The following C2CD2L variants were observed in gnomAD, a reference collection of about 807,000 sequenced individuals.
The protein encoded by C2CD2L is phospholipid transfer protein C2CD2L.
A neutral mutation model predicts 69.9 loss-of-function variants in C2CD2L; 24 were observed. The observed-to-expected ratio is 0.34, with a 90% CI of 0.25 to 0.48. The LOEUF (loss-of-function observed/expected upper bound fraction) is 0.48, where lower values mean the gene tolerates loss of function less well. C2CD2L is among the 20% of genes least tolerant of loss of function. C2CD2L has a pLI of 0.99. For missense variants in C2CD2L, 811 were observed against 941.5 expected, an observed-to-expected ratio of 0.86 and a Z score of 1.81; for synonymous variants, 367 against 391.0, an observed-to-expected ratio of 0.94 and a Z score of 0.72.
chr11:119,107,788 T>C lies in C2CD2L; in HGVS notation c.47T>C (p.Leu16Pro). The part of the protein sequence containing the change: ...GQRDVGWAAL[L>P]ILFAASLLTV... ...CGGGACGTGGGCTGGGCGGCCTTGC[T>C]GATCCTCTTCGCCGCCTCGCTGCTC... Residue 16 changes from leucine to proline, a missense_variant, in exon 1 of 14, where the codon CTG (leucine) becomes CCG (proline). Coordinates refer to ENST00000648610, the MANE Select transcript of C2CD2L (RefSeq NM_001290474.2). The surrounding 1 kb of genome is among the most constrained non-coding windows in gnomAD (Gnocchi z 5.4). 1 of 1,548,328 alleles carries C rather than the reference T, an allele frequency of 6.5e-7. No homozygotes were observed. The highest frequency in any genetic ancestry group is 8.6e-7 in the Non-Finnish European group (1 of 1,159,918).
rs1470891429 is a variant in C2CD2L at position 119,110,532 on chromosome 11, C to T, written c.451-29C>T. The T allele has an allele frequency of 6.3e-7, 1 of 1,599,156 alleles. No homozygotes were observed. Among genetic ancestry groups the T allele is most frequent in the East Asian group, 2.2e-5 (1 of 44,486 alleles). ...TCAAAGCAGGGTGAGCACCCTTCCC[C>T]CACATCTGACCCACCTCGCCGGTCT... On this transcript the variant is annotated intron_variant, in intron 2 of 13. Coordinates refer to ENST00000648610, the MANE Select transcript of C2CD2L (RefSeq NM_001290474.2). The surrounding 1 kb of genome is among the most constrained non-coding windows in gnomAD (Gnocchi z 5.7).
At position 119,107,873 on chromosome 11, in the gene C2CD2L, G is replaced by A. The variant is rs774577840; in HGVS notation, c.132G>A (p.Gly44=). Residue 44 remains glycine (G), a synonymous_variant, in exon 1 of 14, where the codon GGG becomes GGA. Transcript: ENST00000648610. The surrounding 1 kb of genome is among the most constrained non-coding windows in gnomAD (Gnocchi z 5.4). ...GCTTGTGGCTGGCGCGGGCCCGCGG[G>A]GACCGGGGCCCGGGACCCGCCTTAG... ...ARGLWLARAR[G]DRGPGPALAG... is the part of the protein sequence containing the mutation. 5 of 1,519,300 alleles carry A rather than the reference G, an allele frequency of 3.3e-6. No homozygotes were observed. Among genetic ancestry groups the A allele is most frequent in the Middle Eastern group, 2.2e-4 (1 of 4,506 alleles). 94.1% of individuals were successfully genotyped at this position (1,519,300 alleles called of 1,614,324 possible). A position where few individuals can be genotyped will look rare whatever the true frequency, so the allele number is the denominator to read the frequency against.
intron 1 of C2CD2L, among the ~76,000 whole-genome samples, chr11:119,108,491 T>C (rs1166404748): frequency 1.3e-5 from 2 of 152,152 alleles, no homozygotes; most frequent in African/African-American, 2.4e-5. Context: ...ATGCCCCAAA[T>C]CCCTGGTGTG....
Position 119,117,507 on chromosome 11 carries a change from C to CA in C2CD2L, c.*1252dup, listed in dbSNP as rs1946924335. ...CAAGTTATGTAACCTCTAAGTGCCT[C>CA]AGTTTTCTCATCTGTAAAATGGGAA... On this transcript the variant is annotated 3_prime_UTR_variant, in exon 14 of 14. Transcript: ENST00000648610. 1 of 152,208 alleles carries CA rather than the reference C, an allele frequency of 6.6e-6. No individual in the cohort carries two copies. The highest frequency in any genetic ancestry group is 6.5e-5 in the Admixed American group (1 of 15,272). The allele number at this position is 152,208 out of a possible 1,614,324, so 9.4% of individuals were successfully genotyped here.
In C2CD2L at chr11:119,107,688, C is replaced by T; in HGVS notation, c.-54C>T. 50 of 1,216,986 alleles carry T rather than the reference C, an allele frequency of 4.1e-5. No homozygotes were observed. The highest frequency in any genetic ancestry group is 5.1e-5 in the Non-Finnish European group (47 of 930,504). 75.4% of individuals were successfully genotyped at this position (1,216,986 alleles called of 1,614,324 possible). A position where few individuals can be genotyped will look rare whatever the true frequency, so the allele number is the denominator to read the frequency against. ...CCGCGGCCCGCCCGGGCCATGCTCC[C>T]CCGGGGCAGCGGGTGAGCCCCAGCC... On this transcript the variant is annotated 5_prime_UTR_variant, in exon 1 of 14. Coordinates refer to ENST00000648610, the MANE Select transcript of C2CD2L (RefSeq NM_001290474.2). The surrounding 1 kb of genome is among the most constrained non-coding windows in gnomAD (Gnocchi z 5.4).
intron 7 of C2CD2L, 40 bp downstream of exon 7, chr11:119,111,669 G>A (rs906286295): frequency 1.4e-6 from 2 of 1,416,372 alleles, no homozygotes; most frequent in Non-Finnish European, 2.0e-6. Context: ...CTCCAGAGCA[G>A]AGAGGATCAA....
At chr11:119,102,321 G>A, upstream of C2CD2L, 1 of 471,630 alleles carries the variant, frequency 2.1e-6, no homozygotes, top group Non-Finnish European at 4.4e-6. Context: ...ACGAGGGTGT[G>A]GAGACGCGCC....
intron 10 of C2CD2L, chr11:119,113,313 G>T: frequency 2.4e-6 from 1 of 418,350 alleles, no homozygotes. Context: ...GCCATTATAG[G>T]GGCCCCACTG....
rs369155362 is a variant in C2CD2L at position 119,114,318 on chromosome 11, C to T, written c.1862C>T (p.Thr621Met). The T allele has an allele frequency of 2.2e-5, 35 of 1,614,030 alleles. No homozygotes were observed. Among genetic ancestry groups the T allele is most frequent in the African/African-American group, 4.0e-5 (3 of 74,924 alleles). The stretch of plus-strand genomic sequence containing the variant: ...TCTGTGGATGATATTGAGTCGGAAA[C>T]GGGGTCCACTGGTGCCCTGGAGACC... ...RPSVDDIESE[T>M]GSTGALETRS... The change falls in exon 13 of 14, where the codon ACG (threonine) becomes ATG (methionine). Residue 621 changes from threonine to methionine, a missense_variant. Transcript: ENST00000648610. The surrounding 1 kb of genome is among the most constrained non-coding windows in gnomAD (Gnocchi z 5.1).
At chr11:119,111,417 G>A (rs765902219) in intron 6 of C2CD2L, 43 bp downstream of exon 6, 1 of 1,596,946 alleles carries the variant, frequency 6.3e-7, no homozygotes, top group East Asian at 2.2e-5. Flanking sequence ...GGCTATGGTT[G>A]GTTGCAGATG....
chr11:119,107,884 C>G lies in C2CD2L; in HGVS notation c.143C>G (p.Pro48Arg), dbSNP rs1285088100. ...WLARARGDRG[P>R]GPALAGEPAG... ...GCGCGGGCCCGCGGGGACCGGGGCC[C>G]GGGACCCGCCTTAGCCGGGGAACCC... The change falls in exon 1 of 14, where the codon CCG (proline) becomes CGG (arginine). Residue 48 changes from proline to arginine, a missense_variant. Physicochemically the swap from Pro to Arg is moderately radical, Grantham distance 103 (BLOSUM62 -2). Coordinates refer to ENST00000648610, the MANE Select transcript of C2CD2L (RefSeq NM_001290474.2). This position sits in a 1 kb window ranked among gnomAD's most constrained non-coding sequence, Gnocchi z 5.4. 10 of 1,516,604 alleles carry G rather than the reference C, an allele frequency of 6.6e-6. No homozygotes were observed. The highest frequency in any genetic ancestry group is 2.3e-4 in the Middle Eastern group (1 of 4,432). The allele number at this position is 1,516,604 out of a possible 1,614,324, so 93.9% of individuals were successfully genotyped here.
intron 4 of C2CD2L, 34 bp from the exon 5 acceptor site, chr11:119,111,018 C>A (rs1477050070): frequency 6.2e-7 from 1 of 1,612,848 alleles, no homozygotes; most frequent in South Asian, 1.1e-5. Flanking sequence ...GGTGGGGGAT[C>A]CACCTCCTTG....
At chr11:119,102,827 T>C (rs907624825), upstream of C2CD2L, among the ~76,000 whole-genome samples, 5 of 150,434 alleles carry the variant, frequency 3.3e-5, no homozygotes, top group African/African-American at 4.9e-5. Context: ...GCATTTTGCT[T>C]GGCCTGTTCC....
Position 119,109,131 on chromosome 11 carries a change from G to C in C2CD2L, c.355-973G>C, listed in dbSNP as rs1250811722. Among the ~76,000 whole-genome samples the C allele has an allele frequency of 6.6e-6, 1 of 152,180 alleles. No homozygotes were observed. The highest frequency in any genetic ancestry group is 1.5e-5 in the Non-Finnish European group (1 of 68,022). On this transcript the variant is annotated intron_variant, in intron 1 of 13. Transcript: ENST00000648610. The surrounding 1 kb of genome is among the most constrained non-coding windows in gnomAD (Gnocchi z 5.1). ...ACTGGACATTGGCCTCCCTTGCAGA[G>C]GGTGGGGAGATTGAGGTTTCAAGCA... is the stretch of plus-strand genomic sequence containing the variant.
At chr11:119,113,762 C>T (rs753015743) in intron 11 of C2CD2L, 50 bp downstream of exon 11, 3 of 1,611,566 alleles carry the variant, frequency 1.9e-6, no homozygotes, top group East Asian at 2.2e-5. Context: ...GGTGCCCCAG[C>T]ATCAAAAAGT....
In C2CD2L at chr11:119,116,224, A is replaced by G; in HGVS notation, c.2089A>G (p.Lys697Glu). Reference sequence around the variant, plus strand: ...GCGCTTTTCCTTCAAATCCAAACCCAAGGCCAATGGTAACCCCAGCCCCCA... The same window carrying G: ...GCGCTTTTCCTTCAAATCCAAACCCGAGGCCAATGGTAACCCCAGCCCCCA... ...IKRFSFKSKP[K>E]ANGNPSPQL is the part of the protein sequence containing the mutation. Residue 697 changes from lysine to glutamate, a missense_variant, in exon 14 of 14, where the codon AAG (lysine) becomes GAG (glutamate). Lys to Glu is a moderately conservative substitution (Grantham distance 56). Coordinates refer to ENST00000648610, the MANE Select transcript of C2CD2L (RefSeq NM_001290474.2). 1 of 1,614,128 alleles carries G rather than the reference A, an allele frequency of 6.2e-7. No homozygotes were observed. The highest frequency in any genetic ancestry group is 8.5e-7 in the Non-Finnish European group (1 of 1,179,992).
At chr11:119,108,125 C>T (rs760285164) in intron 1 of C2CD2L, 30 bp downstream of exon 1, 2 of 1,474,800 alleles carry the variant, frequency 1.4e-6, no homozygotes, top group Admixed American at 3.9e-5. Flanking sequence ...TGGGTGGTCC[C>T]TTCAGCCTTT....
chr11:119,108,579 C>T (rs1343027679), intron 1 of C2CD2L, among the ~76,000 whole-genome samples: 1 of 152,194 alleles, frequency 6.6e-6, no homozygotes, highest in Non-Finnish European at 1.5e-5. Context: ...ACACATCCTT[C>T]TCCTCCATGC....
chr11:119,103,992 C>T (rs1946549549), upstream of C2CD2L, among the ~76,000 whole-genome samples: 1 of 152,106 alleles, frequency 6.6e-6, no homozygotes, highest in Non-Finnish European at 1.5e-5. Flanking sequence ...ACAAGGAAGG[C>T]ATCATCACAC....
Sources: gnomAD v4.1 joint callset for allele counts (sites outside exome capture counted in the v4.1 genomes callset) on GRCh38, gnomAD v4.1.1 for gene constraint, Gnocchi (gnomAD v3.1) non-coding constraint, MANE v1.5 for transcripts, NCBI Gene and HGNC (gene_info 2026-07-23, HGNC 2026-07-21) for gene names.